The following MPZL1 variants were observed in gnomAD, a reference collection of about 807,000 sequenced individuals.
MPZL1 encodes myelin protein zero like 1.
In MPZL1, 16 loss-of-function variants were observed where a neutral mutation model predicts 29.3. That is an observed-to-expected ratio of 0.55 (90% CI 0.37 to 0.83). MPZL1 has a LOEUF of 0.83. Ranked by LOEUF, MPZL1 falls within the 40% of genes least tolerant of loss-of-function variation. MPZL1 has a pLI of 0.00. For missense variants in MPZL1, 279 were observed against 332.9 expected, an observed-to-expected ratio of 0.84 and a Z score of 1.26; for synonymous variants, 143 against 132.0, an observed-to-expected ratio of 1.08 and a Z score of -0.57.
intron 1 of MPZL1, among the ~76,000 whole-genome samples, chr1:167,754,151 T>C (rs1660819029): frequency 6.6e-6 from 1 of 151,844 alleles, no homozygotes; most frequent in Admixed American, 6.6e-5. Flanking sequence ...GTGTGCGCCA[T>C]GAGGCTCAGC....
chr1:167,726,934 T>A (rs1270124081), intron 1 of MPZL1, among the ~76,000 whole-genome samples: 1 of 152,166 alleles, frequency 6.6e-6, no homozygotes, highest in Non-Finnish European at 1.5e-5. Flanking sequence ...TAGTGAGAAG[T>A]GACAGACAGG....
At chr1:167,755,771 G>C (rs1393815307) in intron 1 of MPZL1, among the ~76,000 whole-genome samples, 1 of 152,116 alleles carries the variant, frequency 6.6e-6, no homozygotes, top group African/African-American at 2.4e-5. Context: ...GGCCAGCCAC[G>C]GTGCTTCTGC....
At chr1:167,783,393 G>T (rs868710387) in intron 5 of MPZL1, among the ~76,000 whole-genome samples, 2 of 152,178 alleles carry the variant, frequency 1.3e-5, no homozygotes, top group African/African-American at 2.4e-5. Context: ...AGTAATTTTT[G>T]TATATGTATT....
chr1:167,785,469 A>G (rs1661573018), intron 5 of MPZL1, among the ~76,000 whole-genome samples: 1 of 152,232 alleles, frequency 6.6e-6, no homozygotes, highest in Non-Finnish European at 1.5e-5. Context: ...TCTGTTAGTC[A>G]GAGCTGATCA....
At chr1:167,756,039 T>A (rs1384467809) in intron 1 of MPZL1, among the ~76,000 whole-genome samples, 1 of 152,220 alleles carries the variant, frequency 6.6e-6, no homozygotes, top group Admixed American at 6.5e-5. Flanking sequence ...AACAGAAAGA[T>A]CTTTGTTGGT....
chr1:167,723,856 A>G (rs1431885588), intron 1 of MPZL1, among the ~76,000 whole-genome samples: 1 of 152,242 alleles, frequency 6.6e-6, no homozygotes, highest in Non-Finnish European at 1.5e-5. Context: ...TTTTCTGGTC[A>G]TGGATACTGC....
At position 167,791,416 on chromosome 1, in the gene MPZL1, G is replaced by A. The variant is rs1661713143; in HGVS notation, c.*3495G>A. ...CTCCTCAAGGAGCTTGCCACAGGGTGGAGGTGACAGGTGACATGAATGGAA... is the reference window on the plus strand; with the variant it reads ...CTCCTCAAGGAGCTTGCCACAGGGTAGAGGTGACAGGTGACATGAATGGAA... On this transcript the variant is annotated 3_prime_UTR_variant, in exon 6 of 6. Coordinates refer to ENST00000359523, the MANE Select transcript of MPZL1 (RefSeq NM_003953.6). 2 of 152,274 alleles carry A rather than the reference G, an allele frequency of 1.3e-5. No homozygotes were observed. The highest frequency in any genetic ancestry group is 1.3e-4 in the Admixed American group (2 of 15,292). 9.4% of individuals were successfully genotyped at this position (152,274 alleles called of 1,614,324 possible). A position where few individuals can be genotyped will look rare whatever the true frequency, so the allele number is the denominator to read the frequency against.
chr1:167,774,222 T>C (rs1023137307), intron 4 of MPZL1, among the ~76,000 whole-genome samples: 1 of 152,208 alleles, frequency 6.6e-6, no homozygotes, highest in Non-Finnish European at 1.5e-5. Context: ...GCTGGAAAGC[T>C]AACCCATATA....
chr1:167,754,514 T>C (rs1660827475), intron 1 of MPZL1, among the ~76,000 whole-genome samples: 1 of 152,230 alleles, frequency 6.6e-6, no homozygotes, highest in South Asian at 2.1e-4. Context: ...TGCCGACATG[T>C]AAACTTATAC....
chr1:167,770,750 C>T (rs1661223581), intron 2 of MPZL1, among the ~76,000 whole-genome samples: 1 of 152,088 alleles, frequency 6.6e-6, no homozygotes, highest in Admixed American at 6.5e-5. Context: ...CTCAGATGGG[C>T]CTAAATTTTA....
In MPZL1 at chr1:167,739,282, CATATATAT is replaced by C. The variant is rs71959233; in HGVS notation, c.91+17060_91+17067del. Among the ~76,000 whole-genome samples, 12 of 90,418 alleles carry C rather than the reference CATATATAT, an allele frequency of 1.3e-4. 1 individual carries two copies. In the South Asian group the frequency reaches 1.7e-3, roughly 13 times the overall value. 59.3% of individuals were successfully genotyped at this position (90,418 alleles called of 152,430 possible). ...ATACACATACATATATACATATATA[CATATATAT>C]ATATATATATATATATATACACATA... On this transcript the variant is annotated intron_variant, in intron 1 of 5. Coordinates refer to ENST00000359523, the MANE Select transcript of MPZL1 (RefSeq NM_003953.6).
intron 4 of MPZL1, 166 bp downstream of exon 4, chr1:167,773,534 A>G (rs1484369959): frequency 2.9e-6 from 2 of 699,054 alleles, no homozygotes; most frequent in African/African-American, 1.8e-5. Flanking sequence ...GCAAGTGGAA[A>G]TCAGTGGGCC....
At chr1:167,751,670 CAAAAAAA>C (rs397970508) in intron 1 of MPZL1, among the ~76,000 whole-genome samples, 11 of 72,188 alleles carry the variant, frequency 1.5e-4, no homozygotes, top group African/African-American at 4.2e-4. Context: ...GACTCCATCT[CAAAAAAA>C]AAAAAAAAAG....
chr1:167,730,320 C>A (rs1660235293), intron 1 of MPZL1, among the ~76,000 whole-genome samples: 1 of 151,644 alleles, frequency 6.6e-6, no homozygotes, highest in African/African-American at 2.4e-5. Context: ...TTGATATGGC[C>A]CAGGCTGGAG....
intron 1 of MPZL1, among the ~76,000 whole-genome samples, chr1:167,725,954 G>A (rs1660136743): frequency 6.6e-6 from 1 of 152,206 alleles, no homozygotes; most frequent in Admixed American, 6.5e-5. Context: ...TCACAAAACT[G>A]CAAGAATGAT....
At chr1:167,753,212 G>A (rs1660792609) in intron 1 of MPZL1, among the ~76,000 whole-genome samples, 1 of 152,198 alleles carries the variant, frequency 6.6e-6, no homozygotes, top group Non-Finnish European at 1.5e-5. Flanking sequence ...CAAGCTGTGT[G>A]AGTATAGCCC....
In MPZL1 at chr1:167,788,138, G is replaced by C. The variant is rs1351118580; in HGVS notation, c.*217G>C. ...GCCAGTGTTGCATGATGAAAAGATG[G>C]TATGATTCTACATATGTACCCATTG... On this transcript the variant is annotated 3_prime_UTR_variant, in exon 6 of 6. Coordinates refer to ENST00000359523, the MANE Select transcript of MPZL1 (RefSeq NM_003953.6). 2.0e-6 allele frequency: 1 copy of C among 487,876 alleles called. No individual in the cohort carries two copies. The highest frequency in any genetic ancestry group is 3.3e-5 in the East Asian group (1 of 30,398). 30.2% of individuals were successfully genotyped at this position (487,876 alleles called of 1,614,324 possible).
rs910413591 is a variant in MPZL1, at chr1:167,791,533, C to T, written c.*3612C>T. The stretch of plus-strand genomic sequence containing the variant: ...GTGAGTTAACAGTAATTGTACTAAT[C>T]TTAATCCCATTGTTTGAAAGATTAT... On this transcript the variant is annotated 3_prime_UTR_variant, in exon 6 of 6. Transcript: ENST00000359523. The T allele has an allele frequency of 1.3e-5, 2 of 152,250 alleles. No homozygotes were observed. The highest frequency in any genetic ancestry group is 2.4e-5 in the African/African-American group (1 of 41,460). The allele number at this position is 152,250 out of a possible 1,614,324, so 9.4% of individuals were successfully genotyped here.
intron 1 of MPZL1, among the ~76,000 whole-genome samples, chr1:167,723,461 A>G (rs955140676): frequency 6.6e-6 from 1 of 152,240 alleles, no homozygotes; most frequent in Non-Finnish European, 1.5e-5. Context: ...GTAAGACACA[A>G]TCCATTCTGT....
Sources: allele counts gnomAD v4.1 joint callset (sites outside exome capture counted in the v4.1 genomes callset), GRCh38; gene constraint gnomAD v4.1.1; transcripts MANE v1.5; gene names NCBI Gene and HGNC (gene_info 2026-07-23, HGNC 2026-07-21).